Variants in OR8D4 observed in about 807,000 individuals in gnomAD.
OR8D4 encodes the protein olfactory receptor family 8 subfamily D member 4.
For missense variants in OR8D4, 359 were observed against 372.6 expected (o/e 0.96, Z 0.30); for synonymous variants, 141 against 134.8 (o/e 1.05, Z -0.32).
rs1425996974 is a variant in OR8D4, at chr11:123,907,845, T to C, written c.*469T>C. 1 of 151,690 alleles carries C rather than the reference T, an allele frequency of 6.6e-6. No homozygotes were observed. Among genetic ancestry groups the C allele is most frequent in the Non-Finnish European group, 1.5e-5 (1 of 67,942 alleles). The allele number at this position is 151,690 out of a possible 1,614,324, so 9.4% of individuals were successfully genotyped here. A position where few individuals can be genotyped will look rare whatever the true frequency, so the allele number is the denominator to read the frequency against. Reference sequence around the variant, plus strand: ...CACAGATAATTACATTAATAACATGTAAAACAACATATATGAAAGTGAAAA... The same window carrying C: ...CACAGATAATTACATTAATAACATGCAAAACAACATATATGAAAGTGAAAA... On this transcript the variant is annotated 3_prime_UTR_variant, in exon 2 of 2. Transcript: ENST00000641687.
chr11:123,907,102 G>C lies in OR8D4; in HGVS notation c.671G>C (p.Ser224Thr). ...IIISYAFILT[S>T]ILRIHSKKGR... is the part of the protein sequence containing the mutation. ...ATTTCATATGCTTTTATCCTCACCAGCATCCTGCGCATCCACTCTAAAAAG... is the reference window on the plus strand; with the variant it reads ...ATTTCATATGCTTTTATCCTCACCACCATCCTGCGCATCCACTCTAAAAAG... Residue 224 changes from serine to threonine, a missense_variant, in exon 2 of 2, where the codon AGC (serine) becomes ACC (threonine). Coordinates refer to ENST00000641687, the MANE Select transcript of OR8D4 (RefSeq NM_001005197.2). 1 of 1,613,948 alleles carries C rather than the reference G, an allele frequency of 6.2e-7. No homozygotes were observed. The highest frequency in any genetic ancestry group is 8.5e-7 in the Non-Finnish European group (1 of 1,179,940).
In OR8D4 at chr11:123,909,080, G is replaced by A. The variant is rs1863229058; in HGVS notation, c.*1704G>A. On this transcript the variant is annotated 3_prime_UTR_variant, in exon 2 of 2. Transcript: ENST00000641687. The stretch of plus-strand genomic sequence containing the variant: ...ATGTGTGTGTATGTTTGTGGGAAGG[G>A]TTAGATAGGGAAAGATAGTGCTATT... The A allele has an allele frequency of 6.6e-6, 1 of 152,146 alleles. No homozygotes were observed. The highest frequency in any genetic ancestry group is 2.4e-5 in the African/African-American group (1 of 41,444). 9.4% of individuals were successfully genotyped at this position (152,146 alleles called of 1,614,324 possible). A position where few individuals can be genotyped will look rare whatever the true frequency, so the allele number is the denominator to read the frequency against.
intron 1 of OR8D4, among the ~76,000 whole-genome samples, chr11:123,903,085 A>C (rs111384686): frequency 0.038 from 5,756 of 151,902 alleles, 330 homozygotes; most frequent in African/African-American, 0.13. Context: ...ATGTACAGAC[A>C]TTTTTCTTGT....
chr11:123,903,315 C>T (rs1270002165), intron 1 of OR8D4, among the ~76,000 whole-genome samples: 3 of 152,102 alleles, frequency 2.0e-5, no homozygotes, highest in South Asian at 2.1e-4. Flanking sequence ...AAGGACTGAA[C>T]TGAGTTAAAC....
At chr11:123,903,249 G>A (rs563667443) in intron 1 of OR8D4, among the ~76,000 whole-genome samples, 19 of 152,110 alleles carry the variant, frequency 1.2e-4, no homozygotes, top group South Asian at 2.1e-4. Context: ...AGGGACTTGA[G>A]CATTCAGGGA....
chr11:123,905,518 A>G (rs1407543318), intron 1 of OR8D4, among the ~76,000 whole-genome samples: 1 of 152,176 alleles, frequency 6.6e-6, no homozygotes, highest in Non-Finnish European at 1.5e-5. Flanking sequence ...ACACCTTTTA[A>G]CATCTCCCTG....
chr11:123,903,443 C>G (rs1035936356), intron 1 of OR8D4, among the ~76,000 whole-genome samples: 5 of 152,120 alleles, frequency 3.3e-5, no homozygotes, highest in Admixed American at 6.6e-5. Flanking sequence ...CAATGCTGAT[C>G]TAGCATTTAC....
rs79215440 is a variant in OR8D4 at position 123,906,184 on chromosome 11, G to T, written c.-15-233G>T. On this transcript the variant is annotated intron_variant, in intron 1 of 1. Transcript: ENST00000641687. ...TTTTGTCTCTAACTCTGGAGTAAAA[G>T]GTTCTGTCGTTTGCTAAGAGAATTT... 1.1e-3 allele frequency: 468 copies of T among 418,550 alleles called. 5 individuals carry two copies. The East Asian group carries it at 0.017, about 15-fold the overall frequency. 25.9% of individuals were successfully genotyped at this position (418,550 alleles called of 1,614,324 possible). A position where few individuals can be genotyped will look rare whatever the true frequency, so the allele number is the denominator to read the frequency against.
chr11:123,907,161 C>CGGA lies in OR8D4; in HGVS notation c.730_731insGGA (p.His244delinsArgAsn). 6.2e-7 allele frequency: 1 copy of CGGA among 1,613,736 alleles called. No individual in the cohort carries two copies. The highest frequency in any genetic ancestry group is 1.1e-5 in the South Asian group (1 of 91,060). On this transcript the variant is annotated protein_altering_variant, in exon 2 of 2. Coordinates refer to ENST00000641687, the MANE Select transcript of OR8D4 (RefSeq NM_001005197.2). ...CAAAGCGTTTAGCACCTGTAGCTCC[C>CGGA]ACCTGACAGCTGTTCTTATGTTTTA...
Position 123,907,469 on chromosome 11 carries a change from A to C in OR8D4, c.*93A>C. 1.6e-6 allele frequency: 1 copy of C among 608,930 alleles called. No homozygotes were observed. The highest frequency in any genetic ancestry group is 2.7e-5 in the South Asian group (1 of 37,402). The allele number at this position is 608,930 out of a possible 1,614,324, so 37.7% of individuals were successfully genotyped here. On this transcript the variant is annotated 3_prime_UTR_variant, in exon 2 of 2. Transcript: ENST00000641687. ...ACTATTTAAAAGTAATTTGAGGTCC[A>C]GGTACGGTGACTTACGCCTGTAATC...
rs1863209502 is a variant in OR8D4 at position 123,907,099 on chromosome 11, C to T, written c.668C>T (p.Thr223Ile). The T allele has an allele frequency of 1.2e-6, 2 of 1,614,046 alleles. No homozygotes were observed. The highest frequency in any genetic ancestry group is 4.5e-5 in the East Asian group (2 of 44,846). The change falls in exon 2 of 2, where the codon ACC (threonine) becomes ATC (isoleucine). Residue 223 changes from threonine (T) to isoleucine (I), a missense_variant. Physicochemically the swap from Thr to Ile is moderately conservative, Grantham distance 89. Coordinates refer to ENST00000641687, the MANE Select transcript of OR8D4 (RefSeq NM_001005197.2). The stretch of plus-strand genomic sequence containing the variant: ...ATTATTTCATATGCTTTTATCCTCA[C>T]CAGCATCCTGCGCATCCACTCTAAA... ...TIIISYAFIL[T>I]SILRIHSKKG...
rs147084724 is a variant in OR8D4 at position 123,907,164 on chromosome 11, C to T, written c.733C>T (p.Leu245=). The part of the protein sequence containing the change: ...CKAFSTCSSH[L]TAVLMFYGSL... ...AGCGTTTAGCACCTGTAGCTCCCACCTGACAGCTGTTCTTATGTTTTATGG... is the reference window on the plus strand; with the variant it reads ...AGCGTTTAGCACCTGTAGCTCCCACTTGACAGCTGTTCTTATGTTTTATGG... Residue 245 remains leucine, a synonymous_variant, in exon 2 of 2, where the codon CTG becomes TTG. Transcript: ENST00000641687. The T allele has an allele frequency of 2.4e-5, 38 of 1,613,668 alleles. No individual in the cohort carries two copies. The highest frequency in any genetic ancestry group is 3.1e-5 in the Non-Finnish European group (36 of 1,179,784).
chr11:123,904,158 A>G (rs11219341), intron 1 of OR8D4, among the ~76,000 whole-genome samples: 4,908 of 152,280 alleles, frequency 0.032, 257 homozygotes, highest in African/African-American at 0.11. Context: ...TACTGCTACT[A>G]CTGGTTCATA....
In OR8D4 at chr11:123,907,475, G is replaced by A. The variant is rs1228129929; in HGVS notation, c.*99G>A. 2.4e-5 allele frequency: 14 copies of A among 591,230 alleles called. No individual in the cohort carries two copies. The highest frequency in any genetic ancestry group is 5.7e-5 in the African/African-American group (3 of 52,594). 36.6% of individuals were successfully genotyped at this position (591,230 alleles called of 1,614,324 possible). ...TAAAAGTAATTTGAGGTCCAGGTAC[G>A]GTGACTTACGCCTGTAATCCCAGCA... On this transcript the variant is annotated 3_prime_UTR_variant, in exon 2 of 2. Coordinates refer to ENST00000641687, the MANE Select transcript of OR8D4 (RefSeq NM_001005197.2).
rs201886867 is a variant in OR8D4 at position 123,906,944 on chromosome 11, A to G, written c.513A>G (p.Ser171=). ...TACTCAGGTTGTCTTTCTGTGGATCAAACATCATTAAACATTATTTCTGTG... is the reference window on the plus strand; with the variant it reads ...TACTCAGGTTGTCTTTCTGTGGATCGAACATCATTAAACATTATTTCTGTG... The part of the protein sequence containing the change: ...GCILRLSFCG[S]NIIKHYFCDI... The change falls in exon 2 of 2, where the codon TCA becomes TCG. Residue 171 remains serine, a synonymous_variant. Transcript: ENST00000641687. 18 of 1,614,104 alleles carry G rather than the reference A, an allele frequency of 1.1e-5. No individual in the cohort carries two copies. In the East Asian group the frequency reaches 4.0e-4, roughly 36 times the overall value.
At chr11:123,906,040 T>G in intron 1 of OR8D4, 1 of 177,224 alleles carries the variant, frequency 5.6e-6, no homozygotes, top group Non-Finnish European at 1.2e-5. Flanking sequence ...CCTGGCAACG[T>G]ATTTTCCTAC....
At chr11:123,906,261 G>A in intron 1 of OR8D4, 156 bp from the exon 2 acceptor site, 5 of 565,516 alleles carry the variant, frequency 8.8e-6, no homozygotes, top group Non-Finnish European at 1.5e-5. Context: ...AAATCTATAG[G>A]TAGGTAGATG....
In OR8D4 at chr11:123,906,524, C is replaced by G. The variant is rs1863199689; in HGVS notation, c.93C>G (p.Phe31Leu). Residue 31 changes from phenylalanine to leucine, a missense_variant, in exon 2 of 2, where the codon TTC becomes TTG. Coordinates refer to ENST00000641687, the MANE Select transcript of OR8D4 (RefSeq NM_001005197.2). Reference sequence around the variant, plus strand: ...TTCAGCTGCCCCTCTTCTGCCTCTTCTTAGGAATTTACACAGTTACTGTGG... The same window carrying G: ...TTCAGCTGCCCCTCTTCTGCCTCTTGTTAGGAATTTACACAGTTACTGTGG... ...AELQLPLFCL[F>L]LGIYTVTVVG... 6.2e-7 allele frequency: 1 copy of G among 1,613,778 alleles called. No homozygotes were observed. Among genetic ancestry groups the G allele is most frequent in the African/African-American group, 1.3e-5 (1 of 74,910 alleles).
chr11:123,902,648 G>A (rs1863169808), intron 1 of OR8D4, among the ~76,000 whole-genome samples: 1 of 152,104 alleles, frequency 6.6e-6, no homozygotes, highest in African/African-American at 2.4e-5. Flanking sequence ...GTCAAAGGTT[G>A]CACTGTAAAT....
Sources: allele counts gnomAD v4.1 joint callset (sites outside exome capture counted in the v4.1 genomes callset), GRCh38; gene constraint gnomAD v4.1.1; transcripts MANE v1.5; gene names NCBI Gene and HGNC (gene_info 2026-07-23, HGNC 2026-07-21).